The following PTPRZ1 variants were observed in gnomAD, a reference collection of about 807,000 sequenced individuals.
PTPRZ1 encodes protein tyrosine phosphatase receptor type Z1, also known as receptor-type tyrosine-protein phosphatase zeta.
A neutral mutation model predicts 214.1 loss-of-function variants in PTPRZ1; 82 were observed. That is an observed-to-expected ratio of 0.38 (90% CI 0.32 to 0.46). PTPRZ1 has a LOEUF of 0.46. Among genes scored for constraint, PTPRZ1 ranks in the 20% least tolerant of loss-of-function variants. The pLI, the probability that PTPRZ1 is intolerant of heterozygous loss-of-function variation, is 1.00. For missense variants in PTPRZ1, 2,603 were observed against 2,748.7 expected (o/e 0.95, Z 1.19); for synonymous variants, 945 against 987.9 (o/e 0.96, Z 0.81).
chr7:122,002,863 G>A (rs947867079), intron 10 of PTPRZ1, among the ~76,000 whole-genome samples: 7 of 152,142 alleles, frequency 4.6e-5, no homozygotes, highest in African/African-American at 7.2e-5. Flanking sequence ...TTGCCATTAT[G>A]AGCATTAAAT....
In PTPRZ1 at chr7:122,010,403, C is replaced by A. The variant is rs759948364; in HGVS notation, c.1357C>A (p.Gln453Lys). The A allele has an allele frequency of 6.2e-7, 1 of 1,613,952 alleles. No individual in the cohort carries two copies. Among genetic ancestry groups the A allele is most frequent in the Non-Finnish European group, 8.5e-7 (1 of 1,179,934 alleles). The change falls in exon 12 of 30, where the codon CAA becomes AAA. Residue 453 changes from glutamine (Q) to lysine (K), a missense_variant. Physicochemically the swap from Gln to Lys is moderately conservative, Grantham distance 53. Transcript: ENST00000393386. Reference protein sequence around the residue: ...VNPGRDSATNQIRKKEPQIST... With the variant: ...VNPGRDSATNKIRKKEPQIST... Reference sequence around the variant, plus strand: ...TCCTGGTAGAGACAGTGCTACAAACCAAATCAGGAAAAAGGAACCCCAGAT... The same window carrying A: ...TCCTGGTAGAGACAGTGCTACAAACAAAATCAGGAAAAAGGAACCCCAGAT...
chr7:122,006,583 A>G (rs1165563392), intron 11 of PTPRZ1, among the ~76,000 whole-genome samples: 1 of 152,142 alleles, frequency 6.6e-6, no homozygotes, highest in Non-Finnish European at 1.5e-5. Flanking sequence ...AGATACCTAA[A>G]GCTATTCCTG....
chr7:121,975,356 G>C (rs1165218457), intron 4 of PTPRZ1, among the ~76,000 whole-genome samples: 1 of 152,286 alleles, frequency 6.6e-6, no homozygotes, highest in East Asian at 1.9e-4. Context: ...CCTTTGCCAG[G>C]TGGTACTTCT....
At chr7:121,969,454 C>T (rs1554438870) in intron 3 of PTPRZ1, among the ~76,000 whole-genome samples, 5 of 150,634 alleles carry the variant, frequency 3.3e-5, no homozygotes, top group East Asian at 2.0e-4. Context: ...CCCAGCTACT[C>T]GGGAGGCTGA....
At chr7:122,040,524 T>G (rs758899269) in intron 20 of PTPRZ1, among the ~76,000 whole-genome samples, 26 of 152,224 alleles carry the variant, frequency 1.7e-4, no homozygotes, top group Non-Finnish European at 2.6e-4. Flanking sequence ...ACTCAAAGTC[T>G]GCTGACTTAC....
chr7:121,915,467 A>G (rs1795398520), intron 1 of PTPRZ1, among the ~76,000 whole-genome samples: 1 of 152,166 alleles, frequency 6.6e-6, no homozygotes, highest in South Asian at 2.1e-4. Flanking sequence ...ATGGCAGGAG[A>G]TGACAGTTTC....
At chr7:121,907,771 A>T (rs997311991) in intron 1 of PTPRZ1, among the ~76,000 whole-genome samples, 19 of 152,040 alleles carry the variant, frequency 1.2e-4, no homozygotes, top group African/African-American at 4.3e-4. Context: ...TTCACAAATA[A>T]AATTAATAAA....
At chr7:121,917,397 C>T (rs1238583268) in intron 1 of PTPRZ1, among the ~76,000 whole-genome samples, 1 of 151,856 alleles carries the variant, frequency 6.6e-6, no homozygotes, top group Non-Finnish European at 1.5e-5. Flanking sequence ...CCATACTTAC[C>T]CTTAAAACTA....
rs1799706435 is a variant in PTPRZ1 at position 122,040,835 on chromosome 7, C to A, written c.5657C>A (p.Pro1886His). ...KIKKGSQKGR[P>H]SGRVVTQYHY... ...TTCCAGGGCTCCCAGAAAGGAAGAC[C>A]CAGTGGACGTGTGGTCACACAGTAT... The change falls in exon 21 of 30, where the codon CCC (proline) becomes CAC (histidine). Residue 1886 changes from proline to histidine, a missense_variant. Physicochemically the swap from Pro to His is moderately conservative, Grantham distance 77 (BLOSUM62 -2). This residue lies in a region of PTPRZ1 where 1,913 missense variants were observed against 1,914.3 expected (regional missense o/e 1.00). Transcript: ENST00000393386. 6.5e-7 allele frequency: 1 copy of A among 1,536,376 alleles called. No homozygotes were observed. Among genetic ancestry groups the A allele is most frequent in the Admixed American group, 1.8e-5 (1 of 54,458 alleles).
At chr7:121,915,722 ATAT>A (rs1214436118) in intron 1 of PTPRZ1, among the ~76,000 whole-genome samples, 6 of 152,164 alleles carry the variant, frequency 3.9e-5, no homozygotes, top group African/African-American at 1.2e-4. Flanking sequence ...TGTCAAAATA[ATAT>A]TTGCCATTAA....
intron 2 of PTPRZ1, among the ~76,000 whole-genome samples, chr7:121,929,950 T>C (rs1458406587): frequency 2.0e-5 from 3 of 152,128 alleles, no homozygotes; most frequent in East Asian, 1.9e-4. Flanking sequence ...CTACCCAAGA[T>C]TGATGATTGT....
In PTPRZ1 at chr7:122,061,135, A is replaced by T. The variant is rs996050517; in HGVS notation, c.6863A>T (p.Glu2288Val). 1.2e-6 allele frequency: 2 copies of T among 1,609,602 alleles called. No homozygotes were observed. The highest frequency in any genetic ancestry group is 1.7e-5 in the Admixed American group (1 of 59,758). The change falls in exon 30 of 30, where the codon GAA becomes GTA. Residue 2288 changes from glutamate (E) to valine (V), a missense_variant. Glu to Val is a moderately radical substitution (Grantham distance 121, BLOSUM62 -2). Around this residue, in one of 6 missense-constraint regions of PTPRZ1, gnomAD observed 165 missense variants for 151.4 expected, o/e 1.09. Coordinates refer to ENST00000393386, the MANE Select transcript of PTPRZ1 (RefSeq NM_002851.3). ...CTCAGCCTTGTGAGCACAAGGCAGGAAGAGAATCCATCCACCTCTCTGGAC... is the reference window on the plus strand; with the variant it reads ...CTCAGCCTTGTGAGCACAAGGCAGGTAGAGAATCCATCCACCTCTCTGGAC... ...VILSLVSTRQ[E>V]ENPSTSLDSN... is the part of the protein sequence containing the mutation.
chr7:121,954,724 C>G (rs955713370), intron 2 of PTPRZ1, among the ~76,000 whole-genome samples: 11 of 152,156 alleles, frequency 7.2e-5, no homozygotes, highest in Non-Finnish European at 1.3e-4. Context: ...CTGTCTCACA[C>G]TAGACACATC....
intron 2 of PTPRZ1, among the ~76,000 whole-genome samples, chr7:121,963,186 C>T (rs905058967): frequency 5.4e-4 from 82 of 152,098 alleles, no homozygotes; most frequent in African/African-American, 1.8e-3. Flanking sequence ...ACAAGAGCTA[C>T]ACAGCAAAGG....
intron 22 of PTPRZ1, 67 bp from the exon 23 acceptor site, chr7:122,044,355 A>G: frequency 6.4e-7 from 1 of 1,566,580 alleles, no homozygotes; most frequent in South Asian, 1.2e-5. Context: ...GGAAGGTACT[A>G]TGTTTGTAGG....
At chr7:121,932,102 ACATTTTAC>A (rs1795943547) in intron 2 of PTPRZ1, among the ~76,000 whole-genome samples, 2 of 152,332 alleles carry the variant, frequency 1.3e-5, no homozygotes, top group South Asian at 4.1e-4. Context: ...AAAGATGAGT[ACATTTTAC>A]AACCCTTCGT....
intron 2 of PTPRZ1, among the ~76,000 whole-genome samples, chr7:121,945,789 C>T (rs2116438450): frequency 6.6e-6 from 1 of 152,158 alleles, no homozygotes; most frequent in East Asian, 1.9e-4. Flanking sequence ...AATTCTCTCT[C>T]TTTTTAAAGC....
At chr7:122,009,560 T>C (rs1016346584) in intron 11 of PTPRZ1, among the ~76,000 whole-genome samples, 1 of 151,698 alleles carries the variant, frequency 6.6e-6, no homozygotes, top group Non-Finnish European at 1.5e-5. Flanking sequence ...TATGTATATA[T>C]ATACATATAT....
intron 6 of PTPRZ1, among the ~76,000 whole-genome samples, chr7:121,980,180 A>G (rs1202924484): frequency 6.6e-6 from 1 of 152,150 alleles, no homozygotes; most frequent in Non-Finnish European, 1.5e-5. Flanking sequence ...TCCTGGGGTC[A>G]ATTCATTTCC....
Sources: gnomAD v4.1 joint callset for allele counts (sites outside exome capture counted in the v4.1 genomes callset) on GRCh38, gnomAD v4.1.1 for gene constraint, gnomAD v4.1.1 regional missense constraint, MANE v1.5 for transcripts, NCBI Gene and HGNC (gene_info 2026-07-23, HGNC 2026-07-21) for gene names.